The following ARHGAP28 variants were observed in gnomAD, a reference collection of about 807,000 sequenced individuals.
ARHGAP28 encodes the protein Rho GTPase activating protein 28.
ARHGAP28 carries 56 observed loss-of-function variants against 90.7 expected under a neutral mutation model. The ratio of observed to expected loss-of-function variants is 0.62; its 90% CI spans 0.50 to 0.77. The LOEUF is 0.77. ARHGAP28 is among the 30% of genes least tolerant of loss of function. The pLI, the probability that ARHGAP28 is intolerant of heterozygous loss-of-function variation, is 0.00. For synonymous variants in ARHGAP28, 308 were observed against 323.3 expected, an observed-to-expected ratio of 0.95 and a Z score of 0.51; for missense variants, 869 against 900.9, an observed-to-expected ratio of 0.96 and a Z score of 0.45.
At chr18:6,759,100 A>G (rs989384738) in intron 1 of ARHGAP28, among the ~76,000 whole-genome samples, 3 of 152,166 alleles carry the variant, frequency 2.0e-5, no homozygotes, top group Non-Finnish European at 2.9e-5. Context: ...GTGTTTTCTT[A>G]TAGGCATTAT....
At chr18:6,796,136 G>C (rs887179951) in intron 1 of ARHGAP28, among the ~76,000 whole-genome samples, 3 of 152,182 alleles carry the variant, frequency 2.0e-5, no homozygotes, top group African/African-American at 7.2e-5. Flanking sequence ...CGTACCAAGA[G>C]AAACAGGCCT....
At chr18:6,764,523 T>A (rs1353087246) in intron 1 of ARHGAP28, among the ~76,000 whole-genome samples, 1 of 152,288 alleles carries the variant, frequency 6.6e-6, no homozygotes, top group East Asian at 1.9e-4. Context: ...ATCAGGGAAG[T>A]CATCAGCCAG....
intron 3 of ARHGAP28, among the ~76,000 whole-genome samples, chr18:6,839,892 G>A (rs1193825095): frequency 2.6e-5 from 4 of 152,102 alleles, no homozygotes; most frequent in African/African-American, 2.4e-5. Context: ...ATGTTCATTC[G>A]AAATTCATCT....
Position 6,840,860 on chromosome 18 carries a change from A to G in ARHGAP28, c.543+3446A>G, listed in dbSNP as rs140603927. On this transcript the variant is annotated intron_variant, in intron 3 of 17. Coordinates refer to ENST00000383472, the MANE Select transcript of ARHGAP28 (RefSeq NM_001366230.1). ...AAGTTTGGCATTGTATAAGCTGCTT[A>G]GAAAATTCAGATTGTTCCTTGTCAG... is the stretch of plus-strand genomic sequence containing the variant. Among the ~76,000 whole-genome samples, 60 of 152,340 alleles carry G rather than the reference A, an allele frequency of 3.9e-4. No homozygotes were observed. In the East Asian group the frequency reaches 0.012, roughly 29 times the overall value.
intron 6 of ARHGAP28, among the ~76,000 whole-genome samples, chr18:6,869,250 A>ATTTTT (rs2057062449): frequency 2.9e-5 from 3 of 103,810 alleles, no homozygotes; most frequent in Non-Finnish European, 6.0e-5. Flanking sequence ...TCCTTTTGCC[A>ATTTTT]TTCTTTTTTT....
In ARHGAP28 at chr18:6,730,385, T is replaced by C. The variant is rs149357952; in HGVS notation, c.122+442T>C. 1.8e-3 allele frequency among the ~76,000 whole-genome samples: 279 copies of C among 152,260 alleles called. 1 individual carries two copies. Among genetic ancestry groups the C allele is most frequent in the Non-Finnish European group, 3.0e-3 (203 of 68,022 alleles). The stretch of plus-strand genomic sequence containing the variant: ...TTTGAGAGCTTGTTCAGTAACTGCA[T>C]GCCTGGTTTAAAATTTAGGTTGAGA... On this transcript the variant is annotated intron_variant, in intron 1 of 17. Transcript: ENST00000383472.
intron 1 of ARHGAP28, among the ~76,000 whole-genome samples, chr18:6,777,180 A>G (rs1490389684): frequency 6.6e-6 from 1 of 152,230 alleles, no homozygotes; most frequent in East Asian, 1.9e-4. Flanking sequence ...CACTGGGTGT[A>G]CAGCAAAATA....
intron 7 of ARHGAP28, among the ~76,000 whole-genome samples, chr18:6,871,892 G>A (rs2057092724): frequency 6.6e-6 from 1 of 152,270 alleles, no homozygotes; most frequent in Non-Finnish European, 1.5e-5. Flanking sequence ...ATAATGTAAG[G>A]TGGACCCTAG....
At chr18:6,770,253 T>C (rs765739852) in intron 1 of ARHGAP28, among the ~76,000 whole-genome samples, 1 of 152,232 alleles carries the variant, frequency 6.6e-6, no homozygotes, top group Non-Finnish European at 1.5e-5. Context: ...TATTAAAATA[T>C]GATATATGGG....
At chr18:6,870,905 A>C (rs558794745) in intron 7 of ARHGAP28, among the ~76,000 whole-genome samples, 173 bp downstream of exon 7, 4 of 151,460 alleles carry the variant, frequency 2.6e-5, no homozygotes, top group South Asian at 2.1e-4. Flanking sequence ...GGTTCACGCC[A>C]TTCTCCTGCC....
At chr18:6,774,816 T>TG (rs1439503242) in intron 1 of ARHGAP28, among the ~76,000 whole-genome samples, 7 of 152,180 alleles carry the variant, frequency 4.6e-5, no homozygotes, top group African/African-American at 1.7e-4. Flanking sequence ...ACACCTATGG[T>TG]GGGGACCATA....
intron 14 of ARHGAP28, among the ~76,000 whole-genome samples, 190 bp from the exon 15 acceptor site, chr18:6,894,645 G>A (rs111446927): frequency 3.2e-4 from 48 of 152,250 alleles, no homozygotes; most frequent in Admixed American, 1.2e-3. Flanking sequence ...ATACATCATT[G>A]TTCACAAATG....
At chr18:6,887,381 C>A in intron 12 of ARHGAP28, 142 bp downstream of exon 12, 1 of 677,740 alleles carries the variant, frequency 1.5e-6, no homozygotes, top group South Asian at 1.7e-5. Flanking sequence ...TGTGCTCCCA[C>A]TGCCCTTCTC....
At chr18:6,820,000 C>T (rs2056615993) in intron 1 of ARHGAP28, among the ~76,000 whole-genome samples, 1 of 152,142 alleles carries the variant, frequency 6.6e-6, no homozygotes. Context: ...AAAACAACAT[C>T]TGCCATCTAA....
At chr18:6,865,772 C>T (rs2057033651) in intron 5 of ARHGAP28, among the ~76,000 whole-genome samples, 1 of 152,038 alleles carries the variant, frequency 6.6e-6, no homozygotes, top group African/African-American at 2.4e-5. Flanking sequence ...ACATAATAAC[C>T]CCTCATACTC....
At chr18:6,768,631 G>A (rs1197146704) in intron 1 of ARHGAP28, among the ~76,000 whole-genome samples, 1 of 152,134 alleles carries the variant, frequency 6.6e-6, no homozygotes, top group Non-Finnish European at 1.5e-5. Context: ...GCACATGAGT[G>A]ACTTAATATT....
chr18:6,732,521 C>T (rs2055891046), intron 1 of ARHGAP28, among the ~76,000 whole-genome samples: 1 of 152,142 alleles, frequency 6.6e-6, no homozygotes, highest in Non-Finnish European at 1.5e-5. Context: ...TTGAAGGACC[C>T]AGCAGCTCAG....
chr18:6,894,903 A>T lies in ARHGAP28; in HGVS notation c.1905+12A>T, dbSNP rs1276271181. 3 of 1,613,020 alleles carry T rather than the reference A, an allele frequency of 1.9e-6. No homozygotes were observed. The highest frequency in any genetic ancestry group is 2.5e-6 in the Non-Finnish European group (3 of 1,179,292). ...CGGCAAGACGAATGGTAAGAAAAATAATTTCTTTTCCCTTCCATTAACTCC... is the reference window on the plus strand; with the variant it reads ...CGGCAAGACGAATGGTAAGAAAAATTATTTCTTTTCCCTTCCATTAACTCC... On this transcript the variant is annotated intron_variant, in intron 15 of 17. Transcript: ENST00000383472.
chr18:6,798,254 C>T (rs112989929), intron 1 of ARHGAP28, among the ~76,000 whole-genome samples: 2,661 of 152,154 alleles, frequency 0.017, 81 homozygotes, highest in African/African-American at 0.06. Flanking sequence ...AGTGCAATGG[C>T]GCAATCTCTG....
Sources: gnomAD v4.1 joint callset for allele counts (sites outside exome capture counted in the v4.1 genomes callset) on GRCh38, gnomAD v4.1.1 for gene constraint, MANE v1.5 for transcripts, NCBI Gene and HGNC (gene_info 2026-07-23, HGNC 2026-07-21) for gene names.